The following MME variants were observed in gnomAD, a reference collection of about 807,000 sequenced individuals.
MME encodes neprilysin.
In MME, 98 loss-of-function variants were observed where a neutral mutation model predicts 113.2. The observed-to-expected ratio is 0.87, with a 90% CI of 0.74 to 1.02. The LOEUF is 1.02. Among genes scored for constraint, MME ranks in the 50% least tolerant of loss-of-function variants. The probability of loss-of-function intolerance (pLI) is 0.00; values close to 1 mark genes in which losing one functional copy is unlikely to be tolerated. For missense variants in MME, 836 were observed against 896.0 expected, an observed-to-expected ratio of 0.93 and a Z score of 0.86; for synonymous variants, 292 against 300.6, an observed-to-expected ratio of 0.97 and a Z score of 0.30.
intron 8 of MME, among the ~76,000 whole-genome samples, chr3:155,131,077 G>T (rs1489414606): frequency 6.6e-6 from 1 of 152,170 alleles, no homozygotes. Context: ...ATAAGTGACT[G>T]GGGTAAGGCA....
chr3:155,172,047 T>A, intron 20 of MME, 70 bp from the exon 21 acceptor site: 1 of 895,296 alleles, frequency 1.1e-6, no homozygotes, highest in East Asian at 2.6e-5. Flanking sequence ...GGTGGCATGA[T>A]CTTTTACATA....
At chr3:155,065,509 A>G (rs1216100804) in intron 1 of MME, among the ~76,000 whole-genome samples, 2 of 152,244 alleles carry the variant, frequency 1.3e-5, no homozygotes, top group Non-Finnish European at 2.9e-5. Context: ...GGAACAGGAT[A>G]TAGTCACATT....
rs182803930 is a variant in MME, at chr3:155,030,111, C to T, written c.-11+5787C>T. On this transcript the variant is annotated intron_variant, in intron 1 of 22. Coordinates refer to the MME transcript ENST00000492661. The stretch of plus-strand genomic sequence containing the variant: ...CAAAGGCACAGAAATTAGATCTAAA[C>T]GCCATTATTTGTTCAGACAAAAAAG... Among the ~76,000 whole-genome samples the T allele has an allele frequency of 1.9e-3, 290 of 152,166 alleles. 1 individual carries two copies. The highest frequency in any genetic ancestry group is 4.1e-3 in the Admixed American group (63 of 15,266).
At chr3:155,097,492 A>G (rs539547545) in intron 3 of MME, among the ~76,000 whole-genome samples, 2 of 152,214 alleles carry the variant, frequency 1.3e-5, no homozygotes, top group Non-Finnish European at 2.9e-5. Flanking sequence ...AGTAGGCTAA[A>G]TGTTGAAAGC....
chr3:155,142,252 A>T lies in MME; in HGVS notation c.1110A>T (p.Leu370Phe). The T allele has an allele frequency of 6.2e-7, 1 of 1,613,540 alleles. No individual in the cohort carries two copies. The highest frequency in any genetic ancestry group is 2.2e-5 in the East Asian group (1 of 44,852). Residue 370 changes from leucine (L) to phenylalanine (F), a missense_variant, in exon 12 of 23, where the codon TTA (leucine) becomes TTT (phenylalanine). Physicochemically the swap from Leu to Phe is conservative, Grantham distance 22 (BLOSUM62 0). Transcript: ENST00000360490. ...TTTTATACAGAGATCTTCAAAATTTAATGTCCTGGAGATTCATAATGGATC... is the reference window on the plus strand; with the variant it reads ...TTTTATACAGAGATCTTCAAAATTTTATGTCCTGGAGATTCATAATGGATC... ...TKYSARDLQN[L>F]MSWRFIMDLV...
intron 8 of MME, among the ~76,000 whole-genome samples, chr3:155,131,283 A>T (rs1384704174): frequency 6.6e-6 from 1 of 152,180 alleles, no homozygotes. Context: ...CTATCATTAT[A>T]GGGAAACAGT....
chr3:155,060,094 A>G (rs1425936981), intron 1 of MME, among the ~76,000 whole-genome samples: 5 of 152,220 alleles, frequency 3.3e-5, no homozygotes, highest in African/African-American at 4.8e-5. Flanking sequence ...CTACTAAGTC[A>G]TAGATTACTG....
chr3:155,129,051 A>G (rs1352367347), intron 8 of MME, among the ~76,000 whole-genome samples: 1 of 152,182 alleles, frequency 6.6e-6, no homozygotes, highest in African/African-American at 2.4e-5. Context: ...GGTATCATAC[A>G]TTTGCAGTTT....
At chr3:155,061,940 C>T (rs866505397) in intron 1 of MME, among the ~76,000 whole-genome samples, 3 of 152,160 alleles carry the variant, frequency 2.0e-5, no homozygotes, top group Non-Finnish European at 4.4e-5. Flanking sequence ...GGATTACAGG[C>T]GTGAGCCACC....
intron 3 of MME, among the ~76,000 whole-genome samples, chr3:155,114,400 A>G (rs1334350633): frequency 1.3e-5 from 2 of 152,224 alleles, no homozygotes; most frequent in African/African-American, 4.8e-5. Context: ...AAAAACTAAT[A>G]AGCTTACAGC....
intron 8 of MME, among the ~76,000 whole-genome samples, chr3:155,134,274 A>G (rs1441549009): frequency 5.9e-5 from 9 of 151,806 alleles, no homozygotes; most frequent in African/African-American, 2.2e-4. Flanking sequence ...TAGTGTTTCA[A>G]CCCTTGCTCC....
At chr3:155,060,829 C>CAGAGAGAGAGAGAGAG (rs138935329) in intron 1 of MME, among the ~76,000 whole-genome samples, 17 of 137,748 alleles carry the variant, frequency 1.2e-4, no homozygotes, top group African/African-American at 4.0e-4. Flanking sequence ...TGCAGAGAGG[C>CAGAGAGAGAGAGAGAG]AGAGAGAGAG....
At chr3:155,174,054 A>G (rs1028767111) in intron 22 of MME, among the ~76,000 whole-genome samples, 14 of 151,998 alleles carry the variant, frequency 9.2e-5, no homozygotes, top group African/African-American at 3.4e-4. Flanking sequence ...TATGAACAGA[A>G]TAAGAATTCT....
chr3:155,079,577 C>G (rs930227832), upstream of MME: 1 of 144,862 alleles, frequency 6.9e-6, no homozygotes, highest in Non-Finnish European at 1.5e-5. Flanking sequence ...CTTCAGGTCA[C>G]CCAGGGAACT....
intron 8 of MME, among the ~76,000 whole-genome samples, chr3:155,126,166 T>TG (rs1719634488): frequency 6.6e-6 from 1 of 152,150 alleles, no homozygotes; most frequent in Non-Finnish European, 1.5e-5. Flanking sequence ...AGTTGCTGTG[T>TG]GGGGTACAGC....
upstream of MME, among the ~76,000 whole-genome samples, chr3:155,079,387 C>T (rs1172124292): frequency 6.6e-6 from 1 of 151,804 alleles, no homozygotes; most frequent in Admixed American, 6.6e-5. Flanking sequence ...CCGAAGAGCC[C>T]GTGTATTGTT....
intron 16 of MME, chr3:155,158,261 T>A (rs1304242686): frequency 1.3e-5 from 2 of 152,040 alleles, no homozygotes; most frequent in African/African-American, 4.8e-5. Flanking sequence ...CCATGTAGAA[T>A]TCACTGTCAC....
chr3:155,106,165 A>G (rs768939389), intron 3 of MME, among the ~76,000 whole-genome samples: 7 of 152,218 alleles, frequency 4.6e-5, no homozygotes, highest in African/African-American at 1.4e-4. Flanking sequence ...AACTTCTTTC[A>G]TATCTATTTG....
At chr3:155,083,995 T>C (rs147158341) in intron 1 of MME, 163 bp from the exon 2 acceptor site, 237 of 641,102 alleles carry the variant, frequency 3.7e-4, no homozygotes, top group African/African-American at 3.6e-3. Flanking sequence ...TTTGGCTCTA[T>C]ATACTTTGCA....
Sources: allele counts gnomAD v4.1 joint callset (sites outside exome capture counted in the v4.1 genomes callset), GRCh38; gene constraint gnomAD v4.1.1; transcripts MANE v1.5; gene names NCBI Gene and HGNC (gene_info 2026-07-23, HGNC 2026-07-21).